ESF1: variants seen among roughly 807,000 people sequenced by gnomAD.
The protein encoded by ESF1 is ESF1 nucleolar pre-rRNA processing protein.
ESF1 carries 58 observed loss-of-function variants against 92.0 expected under a neutral mutation model. That is an observed-to-expected ratio of 0.63 (90% confidence interval 0.51 to 0.78). The LOEUF (loss-of-function observed/expected upper bound fraction) is 0.78, where lower values mean the gene tolerates loss of function less well. Ranked by LOEUF, ESF1 falls within the 30% of genes least tolerant of loss-of-function variation. The pLI is 0.00. For missense variants in ESF1, 922 were observed against 989.1 expected (o/e 0.93, Z 0.91); for synonymous variants, 321 against 313.7 (o/e 1.02, Z -0.24).
chr20:13,769,090 AT>A (rs1296533736), intron 7 of ESF1, among the ~76,000 whole-genome samples: 2 of 152,128 alleles, frequency 1.3e-5, no homozygotes, highest in Admixed American at 1.3e-4. Context: ...CCTATTTTAA[AT>A]TTTCACTAGT....
chr20:13,770,034 G>GA lies in ESF1; in HGVS notation c.1404-14dup. ...ATCTGGTATAAACCTAAGAAGTAAA[G>GA]AAAAAAAATTTATTTAAAATACGCT... On this transcript the variant is annotated splice_polypyrimidine_tract_variant and intron_variant, in intron 6 of 13. Transcript: ENST00000617257. The GA allele has an allele frequency of 4.6e-6, 7 of 1,512,022 alleles. No homozygotes were observed. Among genetic ancestry groups the GA allele is most frequent in the East Asian group, 2.3e-5 (1 of 44,090 alleles). The allele number at this position is 1,512,022 out of a possible 1,614,324, so 93.7% of individuals were successfully genotyped here.
At chr20:13,776,363 A>G (rs1424863082) in intron 2 of ESF1, 93 bp from the exon 3 acceptor site, 15 of 1,221,262 alleles carry the variant, frequency 1.2e-5, no homozygotes, top group Non-Finnish European at 1.6e-5. Context: ...CAGTAAAAAT[A>G]TAATTTCTAT....
intron 9 of ESF1, among the ~76,000 whole-genome samples, chr20:13,747,018 C>A (rs6079159): frequency 6.6e-6 from 1 of 152,038 alleles, no homozygotes; most frequent in African/African-American, 2.4e-5. Flanking sequence ...ATAGAGAAAA[C>A]GGAGGAAGCA....
chr20:13,750,662 A>C (rs1472027820), intron 9 of ESF1, among the ~76,000 whole-genome samples: 1 of 152,228 alleles, frequency 6.6e-6, no homozygotes, highest in African/African-American at 2.4e-5. Flanking sequence ...AAAGTTCTCC[A>C]GTTGGCACAA....
At position 13,782,577 on chromosome 20, in the gene ESF1, T is replaced by C. The variant is rs779529199; in HGVS notation, c.564A>G (p.Leu188=). ...DSSLEEKQRT[L]DSGTSEIVKS... ...TCACAATTTCAGAGGTGCCTGAGTC[T>C]AATGTCCTTTGTTTTTCTTCGAGAG... is the stretch of plus-strand genomic sequence containing the variant. Residue 188 remains leucine (L), a synonymous_variant, in exon 2 of 14, where the codon TTA becomes TTG. Coordinates refer to ENST00000617257, the MANE Select transcript of ESF1 (RefSeq NM_001276380.2). The C allele has an allele frequency of 6.3e-7, 1 of 1,591,080 alleles. No individual in the cohort carries two copies. The highest frequency in any genetic ancestry group is 8.5e-7 in the Non-Finnish European group (1 of 1,174,494).
chr20:13,766,462 C>T (rs1717898035), intron 8 of ESF1, among the ~76,000 whole-genome samples: 1 of 152,048 alleles, frequency 6.6e-6, no homozygotes, highest in Non-Finnish European at 1.5e-5. Flanking sequence ...CTAAATGATG[C>T]TCTTATTTTT....
Position 13,760,728 on chromosome 20 carries a change from C to G in ESF1, c.1667-875G>C, listed in dbSNP as rs551928011. 3.8e-4 allele frequency among the ~76,000 whole-genome samples: 58 copies of G among 151,106 alleles called. 1 individual carries two copies. In the South Asian group the frequency reaches 5.3e-3, roughly 14 times the overall value. On this transcript the variant is annotated intron_variant, in intron 8 of 13. Transcript: ENST00000617257. ...AGGGAGGCGGGGGGTCAGCCCCCAC[C>G]GGCCAGCCGCCCCGTCCGGGAGGGA... is the stretch of plus-strand genomic sequence containing the variant.
chr20:13,747,510 A>AGCCGAGATGGCACCACTGCACTGCAGCCT (rs1257749726), intron 9 of ESF1, among the ~76,000 whole-genome samples: 160 of 151,576 alleles, frequency 1.1e-3, no homozygotes, highest in Middle Eastern at 0.01. Flanking sequence ...GGTTGCAGTG[A>AGCCGAGATGGCACCACTGCACTGCAGCCT]GCCGAGATGG....
rs564545586 is a variant in ESF1 at position 13,755,511 on chromosome 20, C to T, written c.1828+4181G>A. Among the ~76,000 whole-genome samples, 9 of 152,106 alleles carry T rather than the reference C, an allele frequency of 5.9e-5. No homozygotes were observed. The East Asian group carries it at 1.5e-3, about 26-fold the overall frequency. On this transcript the variant is annotated intron_variant, in intron 9 of 13. Coordinates refer to ENST00000617257, the MANE Select transcript of ESF1 (RefSeq NM_001276380.2). ...ACGAGGTACATTTCTTGATGAAGGC[C>T]CAACTGGCTAATTATATGCATCACC...
At chr20:13,783,523 G>A (rs1035993977) in intron 1 of ESF1, among the ~76,000 whole-genome samples, 12 of 152,168 alleles carry the variant, frequency 7.9e-5, no homozygotes, top group African/African-American at 2.9e-4. Flanking sequence ...GTTACTAATT[G>A]AAGGCAAATG....
In ESF1 at chr20:13,714,994, C is replaced by G. The variant is rs200995737; in HGVS notation, c.2436G>C (p.Glu812Asp). Residue 812 changes from glutamate to aspartate, a missense_variant, in exon 14 of 14, where the codon GAG becomes GAC. By Grantham distance (45) the Glu-to-Asp change is conservative (BLOSUM62 2). Transcript: ENST00000617257. ...QELTQAIKKKESEIEKESQRK... is the reference protein window; with the variant it reads ...QELTQAIKKKDSEIEKESQRK... ...TTTGTGATTCCTTTTCAATCTCACT[C>G]TCTTTTTTCTTTATTGCCTGAGTAA... The G allele has an allele frequency of 6.2e-7, 1 of 1,613,982 alleles. No individual in the cohort carries two copies. Among genetic ancestry groups the G allele is most frequent in the Non-Finnish European group, 8.5e-7 (1 of 1,179,978 alleles).
intron 9 of ESF1, among the ~76,000 whole-genome samples, chr20:13,757,611 C>A (rs1978957204): frequency 6.6e-6 from 1 of 152,060 alleles, no homozygotes; most frequent in African/African-American, 2.4e-5. Context: ...CCATGCTACT[C>A]GGGCTGGTCT....
intron 2 of ESF1, among the ~76,000 whole-genome samples, chr20:13,779,029 G>A (rs1243117555): frequency 6.6e-6 from 1 of 152,096 alleles, no homozygotes; most frequent in African/African-American, 2.4e-5. Context: ...CTGGGCAGCA[G>A]AGCGAGACCC....
intron 8 of ESF1, among the ~76,000 whole-genome samples, chr20:13,764,043 C>A: frequency 6.6e-6 from 1 of 152,044 alleles, no homozygotes; most frequent in Non-Finnish European, 1.5e-5. Flanking sequence ...GCATTATGGT[C>A]ATACTAAAGA....
In ESF1 at chr20:13,782,730, AAT is replaced by A; in HGVS notation, c.409_410del (p.Ile137Ter). Reference sequence around the variant, plus strand: ...ATTTACATGAGGTTTTCATTTTTTTAATTCCTATAGAATTATCTAAATCAGTT... The same window carrying A: ...ATTTACATGAGGTTTTCATTTTTTTATCCTATAGAATTATCTAAATCAGTT... ...NKTDLDNSIG[I>X]KKMKTSCKFK... On this transcript the variant is annotated frameshift_variant, in exon 2 of 14. Coordinates refer to ENST00000617257, the MANE Select transcript of ESF1 (RefSeq NM_001276380.2). LOFTEE classifies it high-confidence loss of function. 14 of 1,586,920 alleles carry A rather than the reference AAT, an allele frequency of 8.8e-6. No individual in the cohort carries two copies. Among genetic ancestry groups the A allele is most frequent in the Non-Finnish European group, 1.2e-5 (14 of 1,172,228 alleles).
At position 13,776,147 on chromosome 20, in the gene ESF1, T is replaced by G; in HGVS notation, c.761A>C (p.Glu254Ala). Reference protein sequence around the residue: ...ESVSEIGSDEESENEITSVGR... With the variant: ...ESVSEIGSDEASENEITSVGR... ...AACACTTGTAATTTCATTTTCAGATTCCTCATCACTTCCTATTTCACTAAC... is the reference window on the plus strand; with the variant it reads ...AACACTTGTAATTTCATTTTCAGATGCCTCATCACTTCCTATTTCACTAAC... The change falls in exon 3 of 14, where the codon GAA becomes GCA. Residue 254 changes from glutamate to alanine, a missense_variant. By Grantham distance (107) the Glu-to-Ala change is moderately radical (BLOSUM62 -1). Transcript: ENST00000617257. 6.2e-7 allele frequency: 1 copy of G among 1,613,842 alleles called. No individual in the cohort carries two copies. Among genetic ancestry groups the G allele is most frequent in the Non-Finnish European group, 8.5e-7 (1 of 1,179,770 alleles).
chr20:13,730,909 T>C (rs2049938511), intron 10 of ESF1, among the ~76,000 whole-genome samples: 1 of 151,844 alleles, frequency 6.6e-6, no homozygotes, highest in African/African-American at 2.4e-5. Flanking sequence ...TTGAAACCAC[T>C]GAGGAACAAA....
rs1398783678 is a variant in ESF1 at position 13,775,235 on chromosome 20, C to A, written c.1071G>T (p.Trp357Cys). The A allele has an allele frequency of 3.7e-6, 6 of 1,610,450 alleles. No individual in the cohort carries two copies. Among genetic ancestry groups the A allele is most frequent in the Non-Finnish European group, 5.1e-6 (6 of 1,178,840 alleles). ...GCAAATCTTTTGCCTTTAATCTATC[C>A]CAGTCCATGTTACAAACTGCTAATC... ...TRRLAVCNMD[W>C]DRLKAKDLLA... The change falls in exon 4 of 14, where the codon TGG becomes TGT. Residue 357 changes from tryptophan (W) to cysteine (C), a missense_variant. Trp to Cys is a radical substitution (Grantham distance 215, BLOSUM62 -2). Coordinates refer to ENST00000617257, the MANE Select transcript of ESF1 (RefSeq NM_001276380.2).
chr20:13,761,930 T>C (rs930577974), intron 8 of ESF1, among the ~76,000 whole-genome samples: 4 of 152,220 alleles, frequency 2.6e-5, no homozygotes, highest in African/African-American at 9.6e-5. Context: ...GAAACTCTAC[T>C]AGCAGGATAA....
Sources: gnomAD v4.1 joint callset for allele counts (sites outside exome capture counted in the v4.1 genomes callset) on GRCh38, gnomAD v4.1.1 for gene constraint, MANE v1.5 for transcripts, NCBI Gene and HGNC (gene_info 2026-07-23, HGNC 2026-07-21) for gene names.